Variants in MTG1 observed in about 807,000 individuals in gnomAD.
MTG1 encodes mitochondrial ribosome associated GTPase 1, also known as mitochondrial ribosome-associated GTPase 1.
Under a neutral mutation model 39.5 loss-of-function variants are expected in MTG1, and 30 were observed. The observed-to-expected ratio is 0.76, with a 90% CI of 0.57 to 1.03. The LOEUF is 1.03. Ranked by LOEUF, MTG1 falls within the 50% of genes least tolerant of loss-of-function variation. MTG1 has a pLI of 0.00. For missense variants in MTG1, 513 were observed against 447.4 expected (o/e 1.15, Z -1.32); for synonymous variants, 217 against 179.0 (o/e 1.21, Z -1.69).
In MTG1 at chr10:133,405,146, C is replaced by G. The variant is rs77728045; in HGVS notation, c.752+2373C>G. Among the ~76,000 whole-genome samples the G allele has an allele frequency of 1.6e-3, 238 of 152,290 alleles. 1 individual carries two copies. The highest frequency in any genetic ancestry group is 2.5e-3 in the Non-Finnish European group (170 of 68,038). On this transcript the variant is annotated intron_variant, in intron 9 of 10. Coordinates refer to ENST00000317502, the MANE Select transcript of MTG1 (RefSeq NM_138384.4). ...CAATATTGTAACACTGAGTCTCTGA[C>G]CCGTGAATATAGTGTATCTCTTCAT...
At chr10:133,418,305 C>T (rs760917153) in intron 9 of MTG1, among the ~76,000 whole-genome samples, 2 of 152,256 alleles carry the variant, frequency 1.3e-5, no homozygotes, top group Non-Finnish European at 2.9e-5. Context: ...CCATGCCTGG[C>T]TGGATGCCAT....
Position 133,402,374 on chromosome 10 carries a change from C to G in MTG1, c.670+129C>G. ...GCCTTTGACCTGGTTGCTGCCAGACCTTCCTCGAAGCTTAGTGTGAGAGCT... is the reference window on the plus strand; with the variant it reads ...GCCTTTGACCTGGTTGCTGCCAGACGTTCCTCGAAGCTTAGTGTGAGAGCT... On this transcript the variant is annotated intron_variant, in intron 8 of 10. Transcript: ENST00000317502. This position sits in a 1 kb window ranked among gnomAD's most constrained non-coding sequence, Gnocchi z 4.7. The G allele has an allele frequency of 9.2e-7, 1 of 1,088,692 alleles. No individual in the cohort carries two copies. Among genetic ancestry groups the G allele is most frequent in the Admixed American group, 1.9e-5 (1 of 51,962 alleles). 67.4% of individuals were successfully genotyped at this position (1,088,692 alleles called of 1,614,324 possible).
At chr10:133,416,863 C>G (rs1589919304) in intron 9 of MTG1, among the ~76,000 whole-genome samples, 1 of 151,840 alleles carries the variant, frequency 6.6e-6, no homozygotes, top group East Asian at 1.9e-4. Context: ...GCAATAAACA[C>G]ATGTGTGCAT....
intron 9 of MTG1, among the ~76,000 whole-genome samples, chr10:133,404,917 G>T (rs558089252): frequency 1.3e-5 from 2 of 152,278 alleles, no homozygotes; most frequent in Admixed American, 6.5e-5. Flanking sequence ...CTTGGTAACT[G>T]CTTCTAATTT....
chr10:133,413,014 T>A (rs187054830), intron 9 of MTG1, among the ~76,000 whole-genome samples: 65 of 152,350 alleles, frequency 4.3e-4, no homozygotes, highest in African/African-American at 1.5e-3. Flanking sequence ...TTATGTCCTC[T>A]TGATGATTTG....
intron 9 of MTG1, among the ~76,000 whole-genome samples, chr10:133,411,967 T>C (rs1850053561): frequency 6.6e-6 from 1 of 152,178 alleles, no homozygotes; most frequent in Admixed American, 6.5e-5. Flanking sequence ...CTTTGTCTGT[T>C]TGAGAAGGTC....
chr10:133,401,514 C>T lies in MTG1; in HGVS notation c.512-15C>T. ...TTAGTATACATTTGAGCCTCCTTTT[C>T]TCCTTTTCCTACAGGGAAAGCCACC... On this transcript the variant is annotated splice_polypyrimidine_tract_variant and intron_variant, in intron 6 of 10. Transcript: ENST00000317502. The T allele has an allele frequency of 6.4e-7, 1 of 1,550,910 alleles. No individual in the cohort carries two copies. Among genetic ancestry groups the T allele is most frequent in the Admixed American group, 2.0e-5 (1 of 49,990 alleles).
intron 3 of MTG1, among the ~76,000 whole-genome samples, chr10:133,397,243 TC>T (rs1323545491): frequency 6.6e-6 from 1 of 152,044 alleles, no homozygotes; most frequent in Admixed American, 6.5e-5. Context: ...TTTCTCCCTC[TC>T]TCTCTGCCTT....
rs1302465377 is a variant in MTG1, at chr10:133,417,999, T to C, written c.753-1481T>C. On this transcript the variant is annotated intron_variant, in intron 9 of 10. Transcript: ENST00000317502. ...CATCCCCATCAAGCTACCAATGACT[T>C]TCTTTTTTTCTTTTTTTTGAGATGG... Among the ~76,000 whole-genome samples, 19 of 152,146 alleles carry C rather than the reference T, an allele frequency of 1.2e-4. 1 individual carries two copies. The highest frequency in any genetic ancestry group is 1.2e-3 in the Admixed American group (19 of 15,282).
At chr10:133,416,955 T>A (rs1850141711) in intron 9 of MTG1, among the ~76,000 whole-genome samples, 1 of 151,864 alleles carries the variant, frequency 6.6e-6, no homozygotes, top group African/African-American at 2.4e-5. Flanking sequence ...TATTTCCAGT[T>A]CTAGATCCCT....
intron 1 of MTG1, 175 bp downstream of exon 1, chr10:133,394,507 C>T: frequency 7.5e-7 from 1 of 1,334,672 alleles, no homozygotes. Flanking sequence ...CCGCCGGGAC[C>T]CCTTCCCCTG....
Position 133,394,276 on chromosome 10 carries a change from ACTTC to A in MTG1, c.58_61del (p.Phe20ProfsTer19). ...GCCGCCCAGGCCGCCTGGCGGGAGA[ACTTC>A]CCCCTGTGCGGTCGCGACGTGGCGC... On this transcript the variant is annotated frameshift_variant, in exon 1 of 11. Coordinates refer to ENST00000317502, the MANE Select transcript of MTG1 (RefSeq NM_138384.4). LOFTEE classifies it high-confidence loss of function. 1 of 1,517,532 alleles carries A rather than the reference ACTTC, an allele frequency of 6.6e-7. No homozygotes were observed. The allele number at this position is 1,517,532 out of a possible 1,614,324, so 94.0% of individuals were successfully genotyped here.
At chr10:133,418,698 C>T (rs543822712) in intron 9 of MTG1, among the ~76,000 whole-genome samples, 76 of 152,324 alleles carry the variant, frequency 5.0e-4, no homozygotes, top group African/African-American at 1.8e-3. Context: ...AGGGCACCAG[C>T]CTCCTCAAGG....
chr10:133,403,973 G>A (rs1416375633), intron 9 of MTG1, among the ~76,000 whole-genome samples: 1 of 151,886 alleles, frequency 6.6e-6, no homozygotes, highest in Non-Finnish European at 1.5e-5. Flanking sequence ...TAGGGGTGTC[G>A]CATAGCATTT....
In MTG1 at chr10:133,420,123, C is replaced by T. The variant is rs148124435; in HGVS notation, c.963C>T (p.Leu321=). Reference sequence around the variant, plus strand: ...TGCTGGGTTCCGTGATGCTGGACCTCGACGTCCTGCGGGGCCACCCCCCGG... The same window carrying T: ...TGCTGGGTTCCGTGATGCTGGACCTTGACGTCCTGCGGGGCCACCCCCCGG... ...RGLLGSVMLD[L]DVLRGHPPAE... The change falls in exon 11 of 11, where the codon CTC becomes CTT. Residue 321 remains leucine (L), a synonymous_variant. Coordinates refer to ENST00000317502, the MANE Select transcript of MTG1 (RefSeq NM_138384.4). The T allele has an allele frequency of 1.0e-4, 163 of 1,613,108 alleles. No homozygotes were observed. The highest frequency in any genetic ancestry group is 1.2e-4 in the Non-Finnish European group (146 of 1,179,662).
At chr10:133,406,111 A>T (rs576223243) in intron 9 of MTG1, among the ~76,000 whole-genome samples, 1 of 151,908 alleles carries the variant, frequency 6.6e-6, no homozygotes, top group Non-Finnish European at 1.5e-5. Context: ...TTTTTCATAC[A>T]CTTGTTGGCC....
Position 133,394,336 on chromosome 10 carries a change from A to G in MTG1, c.112+4A>G. On this transcript the variant is annotated splice_donor_region_variant and intron_variant, in intron 1 of 10. Coordinates refer to ENST00000317502, the MANE Select transcript of MTG1 (RefSeq NM_138384.4). ...TTCCCGGGCCACATGGCCAAGGGTG[A>G]GGCACGGCGGGGAGGGGCAAGGTCA... 6.7e-7 allele frequency: 1 copy of G among 1,494,422 alleles called. No individual in the cohort carries two copies. The highest frequency in any genetic ancestry group is 8.9e-7 in the Non-Finnish European group (1 of 1,126,090). The allele number at this position is 1,494,422 out of a possible 1,614,324, so 92.6% of individuals were successfully genotyped here.
chr10:133,396,074 C>A, intron 2 of MTG1, 89 bp from the exon 3 acceptor site: 1 of 1,193,020 alleles, frequency 8.4e-7, no homozygotes, highest in South Asian at 1.3e-5. Flanking sequence ...AATGAATTGG[C>A]AGGATGTGAT....
chr10:133,405,218 T>C (rs1849952709), intron 9 of MTG1, among the ~76,000 whole-genome samples: 1 of 152,244 alleles, frequency 6.6e-6, no homozygotes. Context: ...TAGTTTACAG[T>C]GTTTTGTAAG....
Sources: gnomAD v4.1 joint callset for allele counts (sites outside exome capture counted in the v4.1 genomes callset) on GRCh38, gnomAD v4.1.1 for gene constraint, Gnocchi (gnomAD v3.1) non-coding constraint, MANE v1.5 for transcripts, NCBI Gene and HGNC (gene_info 2026-07-23, HGNC 2026-07-21) for gene names.